The following TSHZ2 variants were observed in gnomAD, a reference collection of about 807,000 sequenced individuals.
TSHZ2 encodes the protein teashirt homolog 2.
TSHZ2 carries 21 observed loss-of-function variants against 74.4 expected under a neutral mutation model. That is an observed-to-expected ratio of 0.28 (90% CI 0.20 to 0.41). TSHZ2 has a LOEUF of 0.41. Among genes scored for constraint, TSHZ2 ranks in the 10% least tolerant of loss-of-function variants. The pLI, the probability that TSHZ2 is intolerant of heterozygous loss-of-function variation, is 1.00. For missense variants in TSHZ2, 1,244 were observed against 1,293.5 expected, an observed-to-expected ratio of 0.96 and a Z score of 0.59; for synonymous variants, 540 against 515.3, an observed-to-expected ratio of 1.05 and a Z score of -0.65.
chr20:53,145,731 T>C (rs556113733), intron 1 of TSHZ2, among the ~76,000 whole-genome samples: 1 of 152,294 alleles, frequency 6.6e-6, no homozygotes, highest in South Asian at 2.1e-4. Context: ...GCTTGCCCTG[T>C]ATGGGAACAG....
intron 1 of TSHZ2, among the ~76,000 whole-genome samples, chr20:53,102,631 T>C (rs951725949): frequency 7.9e-5 from 12 of 152,176 alleles, no homozygotes; most frequent in Non-Finnish European, 1.8e-4. Flanking sequence ...GCTGAAAATA[T>C]GTTTTGGGTT....
intron 2 of TSHZ2, among the ~76,000 whole-genome samples, chr20:53,325,106 C>A (rs765415681): frequency 2.0e-5 from 3 of 152,198 alleles, no homozygotes; most frequent in Non-Finnish European, 4.4e-5. Context: ...AACACAGGGA[C>A]TGTGAAAATG....
At chr20:53,072,999 C>A (rs1169427539) in intron 1 of TSHZ2, among the ~76,000 whole-genome samples, 4 of 140,936 alleles carry the variant, frequency 2.8e-5, no homozygotes, top group East Asian at 2.3e-4. Flanking sequence ...TCATCCATCC[C>A]TCCCTCCATC....
chr20:53,453,645 C>T (rs986456095), intron 2 of TSHZ2, among the ~76,000 whole-genome samples: 12 of 152,158 alleles, frequency 7.9e-5, no homozygotes, highest in Admixed American at 2.6e-4. Flanking sequence ...CGTAGGGAGC[C>T]GCTGGCTCTC....
At chr20:53,294,812 TTTAG>T (rs369717218) in intron 2 of TSHZ2, among the ~76,000 whole-genome samples, 66 of 152,296 alleles carry the variant, frequency 4.3e-4, no homozygotes, top group African/African-American at 1.5e-3. Flanking sequence ...AATCCTTGTT[TTTAG>T]TTCTTATTTC....
intron 2 of TSHZ2, among the ~76,000 whole-genome samples, chr20:53,458,535 A>C (rs575696111): frequency 1.3e-5 from 2 of 152,230 alleles, no homozygotes; most frequent in African/African-American, 2.4e-5. Flanking sequence ...AGTTTTTTGA[A>C]GGGTTTTTTG....
At chr20:52,982,384 T>C (rs1981600130) in intron 1 of TSHZ2, among the ~76,000 whole-genome samples, 1 of 152,186 alleles carries the variant, frequency 6.6e-6, no homozygotes, top group African/African-American at 2.4e-5. Flanking sequence ...CCTGTGTCTA[T>C]TGTGATGTCT....
intron 1 of TSHZ2, among the ~76,000 whole-genome samples, chr20:53,091,267 A>G (rs972742542): frequency 6.6e-6 from 1 of 152,216 alleles, no homozygotes; most frequent in African/African-American, 2.4e-5. Flanking sequence ...GTAGTGCAGG[A>G]GATAGTTCTA....
At position 53,074,504 on chromosome 20, in the gene TSHZ2, AT is replaced by A. The variant is rs904896732; in HGVS notation, c.40+101178del. ...TGTGTAAAAGGTAAAGGCAAACCAG[AT>A]TTTTTTAAAGCTTATGATTGTTGGA... On this transcript the variant is annotated intron_variant, in intron 1 of 2. Transcript: ENST00000371497. The surrounding 1 kb of genome is among the most constrained non-coding windows in gnomAD (Gnocchi z 5.9). Among the ~76,000 whole-genome samples, 2 of 152,170 alleles carry A rather than the reference AT, an allele frequency of 1.3e-5. No individual in the cohort carries two copies. The highest frequency in any genetic ancestry group is 4.8e-5 in the African/African-American group (2 of 41,434).
intron 1 of TSHZ2, among the ~76,000 whole-genome samples, chr20:53,207,799 C>T (rs1204711491): frequency 1.3e-5 from 2 of 151,900 alleles, no homozygotes; most frequent in African/African-American, 4.8e-5. Context: ...ATCCTAACTT[C>T]CCTAGTATAA....
intron 2 of TSHZ2, among the ~76,000 whole-genome samples, chr20:53,362,689 T>C (rs1600830897): frequency 6.6e-6 from 1 of 152,332 alleles, no homozygotes; most frequent in African/African-American, 2.4e-5. Context: ...TCAGTGTTTC[T>C]ATGTATAATG....
At chr20:53,274,235 G>A (rs576704822) in intron 2 of TSHZ2, among the ~76,000 whole-genome samples, 65 of 152,276 alleles carry the variant, frequency 4.3e-4, no homozygotes, top group Admixed American at 1.1e-3. Flanking sequence ...GCACCGCTGC[G>A]CTCCAGCCTG....
intron 2 of TSHZ2, among the ~76,000 whole-genome samples, chr20:53,258,853 T>C (rs541863407): frequency 2.6e-5 from 4 of 152,298 alleles, no homozygotes; most frequent in East Asian, 3.9e-4. Context: ...TCTGAGAGGA[T>C]TGCAGAAAAA....
rs1430493057 is a variant in TSHZ2 at position 53,457,177 on chromosome 20, T to C, written c.*9-29967T>C. Reference sequence around the variant, plus strand: ...ATGGCCATTTTCACGATATTGATTCTTCCTACCCATGAGCATGGAATGTTC... The same window carrying C: ...ATGGCCATTTTCACGATATTGATTCCTCCTACCCATGAGCATGGAATGTTC... On this transcript the variant is annotated intron_variant, in intron 2 of 2. Transcript: ENST00000371497. 2.8e-5 allele frequency among the ~76,000 whole-genome samples: 4 copies of C among 142,594 alleles called. No homozygotes were observed. The Admixed American group carries it at 2.8e-4, about 10-fold the overall frequency. The allele number at this position is 142,594 out of a possible 152,430, so 93.5% of individuals were successfully genotyped here.
intron 2 of TSHZ2, among the ~76,000 whole-genome samples, chr20:53,329,799 C>T (rs1731218023): frequency 1.3e-5 from 2 of 151,952 alleles, no homozygotes; most frequent in African/African-American, 2.4e-5. Context: ...AATAGGCATC[C>T]ACTGGAGGAA....
intron 1 of TSHZ2, among the ~76,000 whole-genome samples, chr20:53,209,824 A>G (rs1989257242): frequency 6.6e-6 from 1 of 152,184 alleles, no homozygotes; most frequent in Non-Finnish European, 1.5e-5. Context: ...AAAACTGAAC[A>G]ATGGCTTTGA....
At chr20:53,296,819 C>T (rs1397047030) in intron 2 of TSHZ2, among the ~76,000 whole-genome samples, 1 of 152,170 alleles carries the variant, frequency 6.6e-6, no homozygotes, top group Non-Finnish European at 1.5e-5. Flanking sequence ...TTTCCCCAAG[C>T]AAAGAGACTG....
intron 1 of TSHZ2, among the ~76,000 whole-genome samples, chr20:53,018,773 C>T (rs1455000475): frequency 4.6e-5 from 7 of 152,192 alleles, no homozygotes; most frequent in African/African-American, 1.7e-4. Context: ...CATGAGAAAG[C>T]TTAATTCAGG....
At chr20:53,180,332 A>G (rs1178648821) in intron 1 of TSHZ2, among the ~76,000 whole-genome samples, 1 of 152,224 alleles carries the variant, frequency 6.6e-6, no homozygotes, top group Non-Finnish European at 1.5e-5. Flanking sequence ...TCCCAGGATG[A>G]TGGCATTTTC....
Sources: allele counts gnomAD v4.1 joint callset (sites outside exome capture counted in the v4.1 genomes callset), GRCh38; gene constraint gnomAD v4.1.1; non-coding constraint Gnocchi (gnomAD v3.1); transcripts MANE v1.5; gene names NCBI Gene and HGNC (gene_info 2026-07-23, HGNC 2026-07-21).